Variants in TAFA1 observed in about 807,000 individuals in gnomAD.
TAFA1 encodes the protein TAFA chemokine like family member 1.
Under a neutral mutation model 18.5 loss-of-function variants are expected in TAFA1, and 4 were observed. The ratio of observed to expected loss-of-function variants is 0.22; its 90% CI spans 0.11 to 0.49. The LOEUF (loss-of-function observed/expected upper bound fraction) is 0.49, where lower values mean the gene tolerates loss of function less well. TAFA1 is among the 20% of genes least tolerant of loss of function. The pLI is 0.98. For synonymous variants in TAFA1, 56 were observed against 55.2 expected, an observed-to-expected ratio of 1.01 and a Z score of -0.06; for missense variants, 147 against 169.0, an observed-to-expected ratio of 0.87 and a Z score of 0.72.
At chr3:68,059,807 C>T (rs751316922) in intron 2 of TAFA1, among the ~76,000 whole-genome samples, 3 of 152,134 alleles carry the variant, frequency 2.0e-5, no homozygotes, top group Non-Finnish European at 4.4e-5. Context: ...TTTACTGACT[C>T]ATTTGGGAAT....
intron 2 of TAFA1, among the ~76,000 whole-genome samples, chr3:68,302,717 G>C (rs542820890): frequency 1.3e-5 from 2 of 152,068 alleles, no homozygotes; most frequent in African/African-American, 4.8e-5. Context: ...CTCTCCTACA[G>C]GAAATACCTC....
At position 68,147,019 on chromosome 3, in the gene TAFA1, A is replaced by ATGTGTG. The variant is rs35048809; in HGVS notation, c.118+140291_118+140296dup. Among the ~76,000 whole-genome samples the ATGTGTG allele has an allele frequency of 5.3e-4, 78 of 147,706 alleles. 1 individual carries two copies. The East Asian group carries it at 0.012, about 23-fold the overall frequency. ...ATACCTCTTGTGTGTGTATATATAT[A>ATGTGTG]TGTGTGTGTGTGTGTGTGTGTATAT... On this transcript the variant is annotated intron_variant, in intron 2 of 4. Transcript: ENST00000478136.
At chr3:68,287,903 T>TTG (rs2107270486) in intron 2 of TAFA1, among the ~76,000 whole-genome samples, 1 of 92,444 alleles carries the variant, frequency 1.1e-5, no homozygotes, top group African/African-American at 3.8e-5. Flanking sequence ...CTTTTTGTTT[T>TTG]TGTTGGGGGG....
Position 68,080,215 on chromosome 3 carries a change from G to A in TAFA1, c.118+73471G>A, listed in dbSNP as rs554039372. Among the ~76,000 whole-genome samples the A allele has an allele frequency of 2.4e-4, 36 of 152,242 alleles. No individual in the cohort carries two copies. In the South Asian group the frequency reaches 2.7e-3, roughly 11 times the overall value. On this transcript the variant is annotated intron_variant, in intron 2 of 4. Transcript: ENST00000478136. ...TTTGAGCCTATGTGTGTCTCTGCACGTGAGATGGATTTCCTGAATACAGCA... is the reference window on the plus strand; with the variant it reads ...TTTGAGCCTATGTGTGTCTCTGCACATGAGATGGATTTCCTGAATACAGCA...
intron 3 of TAFA1, among the ~76,000 whole-genome samples, chr3:68,501,750 G>T (rs2072663064): frequency 6.6e-6 from 1 of 152,110 alleles, no homozygotes; most frequent in African/African-American, 2.4e-5. Flanking sequence ...AGAAGAAATA[G>T]AAATTAGTAA....
intron 2 of TAFA1, among the ~76,000 whole-genome samples, chr3:68,302,316 T>A (rs1479938414): frequency 2.0e-5 from 3 of 152,202 alleles, no homozygotes; most frequent in Non-Finnish European, 4.4e-5. Context: ...GACTATTTAC[T>A]GACCATCTCT....
At chr3:68,335,152 G>A (rs774458963) in intron 2 of TAFA1, among the ~76,000 whole-genome samples, 7 of 152,242 alleles carry the variant, frequency 4.6e-5, no homozygotes, top group South Asian at 2.1e-4. Flanking sequence ...TTATAAGAGC[G>A]TTTGGTATGA....
At chr3:68,024,351 T>G (rs558251353) in intron 2 of TAFA1, among the ~76,000 whole-genome samples, 1 of 152,056 alleles carries the variant, frequency 6.6e-6, no homozygotes. Flanking sequence ...CATTGCAATT[T>G]TAGGTGTTAA....
At chr3:68,498,331 C>A (rs1189343253) in intron 3 of TAFA1, among the ~76,000 whole-genome samples, 1 of 152,096 alleles carries the variant, frequency 6.6e-6, no homozygotes, top group Non-Finnish European at 1.5e-5. Flanking sequence ...GAGCCAGGCA[C>A]TGGGGATGCA....
intron 2 of TAFA1, among the ~76,000 whole-genome samples, chr3:68,376,165 T>G (rs1402556555): frequency 6.6e-6 from 1 of 152,166 alleles, no homozygotes; most frequent in East Asian, 1.9e-4. Flanking sequence ...ATTCTTGAGC[T>G]GAAAAGGGAC....
At chr3:68,229,737 G>A (rs1459754412) in intron 2 of TAFA1, among the ~76,000 whole-genome samples, 2 of 152,196 alleles carry the variant, frequency 1.3e-5, no homozygotes, top group Middle Eastern at 3.2e-3. Flanking sequence ...TCATTGGAAT[G>A]AAATATAGTT....
At chr3:68,457,194 T>A (rs1366136574) in intron 3 of TAFA1, among the ~76,000 whole-genome samples, 1 of 152,240 alleles carries the variant, frequency 6.6e-6, no homozygotes, top group Non-Finnish European at 1.5e-5. Context: ...ACAGTTAATT[T>A]TATGCAGTTA....
intron 2 of TAFA1, among the ~76,000 whole-genome samples, chr3:68,307,215 T>C (rs930121042): frequency 6.6e-6 from 1 of 152,230 alleles, no homozygotes. Context: ...GTCCATTTTA[T>C]AATACAATGA....
At chr3:68,477,273 T>C (rs187334236) in intron 3 of TAFA1, among the ~76,000 whole-genome samples, 1 of 152,190 alleles carries the variant, frequency 6.6e-6, no homozygotes, top group African/African-American at 2.4e-5. Flanking sequence ...CTCATTACTA[T>C]ATAGAATTCC....
intron 3 of TAFA1, among the ~76,000 whole-genome samples, chr3:68,515,344 A>G (rs745578936): frequency 1.3e-5 from 2 of 152,208 alleles, no homozygotes; most frequent in Non-Finnish European, 1.5e-5. Flanking sequence ...GAGAGGAATC[A>G]TAGTTCTCAA....
At chr3:68,416,728 C>G (rs973541069) in intron 2 of TAFA1, among the ~76,000 whole-genome samples, 19 of 152,198 alleles carry the variant, frequency 1.2e-4, no homozygotes, top group African/African-American at 3.1e-4. Context: ...AGCACCTACC[C>G]ATTTTCTCCA....
At chr3:68,195,020 C>T (rs966940213) in intron 2 of TAFA1, among the ~76,000 whole-genome samples, 1 of 151,452 alleles carries the variant, frequency 6.6e-6, no homozygotes, top group Non-Finnish European at 1.5e-5. Flanking sequence ...GGATATATCC[C>T]TTACATGCCC....
intron 3 of TAFA1, among the ~76,000 whole-genome samples, chr3:68,458,246 T>C (rs573893167): frequency 2.0e-5 from 3 of 152,226 alleles, no homozygotes; most frequent in African/African-American, 7.2e-5. Flanking sequence ...CTGCTTCCAC[T>C]TTACCTTCCA....
At chr3:68,484,076 C>T (rs2072289017) in intron 3 of TAFA1, among the ~76,000 whole-genome samples, 1 of 152,212 alleles carries the variant, frequency 6.6e-6, no homozygotes. Context: ...CACAAGTAAA[C>T]TTAATTTTCA....
Sources: gnomAD v4.1 joint callset for allele counts (sites outside exome capture counted in the v4.1 genomes callset) on GRCh38, gnomAD v4.1.1 for gene constraint, MANE v1.5 for transcripts, NCBI Gene and HGNC (gene_info 2026-07-23, HGNC 2026-07-21) for gene names.